Variants in PEX14 observed in about 807,000 individuals in gnomAD.
PEX14 encodes peroxisomal biogenesis factor 14, also known as peroxisomal membrane protein PEX14.
PEX14 carries 15 observed loss-of-function variants against 49.5 expected under a neutral mutation model. That is an observed-to-expected ratio of 0.30 (90% CI 0.20 to 0.47). PEX14 has a LOEUF of 0.47. PEX14 is among the 20% of genes least tolerant of loss of function. PEX14 has a pLI of 1.00. For synonymous variants in PEX14, 210 were observed against 212.7 expected (o/e 0.99, Z 0.11); for missense variants, 398 against 494.8 (o/e 0.80, Z 1.86).
chr1:10,562,373 T>C (rs1367633906), intron 3 of PEX14, among the ~76,000 whole-genome samples: 1 of 152,230 alleles, frequency 6.6e-6, no homozygotes, highest in Non-Finnish European at 1.5e-5. Flanking sequence ...AGAAAAAGAT[T>C]TTTTTCTAGC....
At chr1:10,609,730 C>T (rs527281829) in intron 4 of PEX14, among the ~76,000 whole-genome samples, 1 of 152,000 alleles carries the variant, frequency 6.6e-6, no homozygotes, top group Admixed American at 6.6e-5. Context: ...ACTAAACGTA[C>T]AAAAATTAGC....
intron 3 of PEX14, among the ~76,000 whole-genome samples, chr1:10,564,071 C>G (rs201749773): frequency 4.6e-5 from 7 of 151,742 alleles, no homozygotes; most frequent in Non-Finnish European, 1.0e-4. Flanking sequence ...AGTAGTTTTC[C>G]TATGTGATGT....
intron 2 of PEX14, among the ~76,000 whole-genome samples, chr1:10,517,376 C>G (rs1388074020): frequency 1.3e-5 from 2 of 152,098 alleles, no homozygotes; most frequent in African/African-American, 4.8e-5. Flanking sequence ...AGGCACTGAT[C>G]GGGTCGGTTC....
At chr1:10,546,878 CA>C (rs1639192721) in intron 3 of PEX14, among the ~76,000 whole-genome samples, 1 of 151,610 alleles carries the variant, frequency 6.6e-6, no homozygotes. Context: ...CAAAAAAAAA[CA>C]AAAAACGAAC....
intron 4 of PEX14, among the ~76,000 whole-genome samples, chr1:10,607,398 A>G (rs202038564): frequency 1.3e-5 from 2 of 152,154 alleles, no homozygotes; most frequent in African/African-American, 4.8e-5. Context: ...CTCTTGGGTG[A>G]GCGCCTAGAA....
rs151283829 is a variant in PEX14 at position 10,485,842 on chromosome 1, G to A, written c.37-9432G>A. Among the ~76,000 whole-genome samples, 504 of 148,136 alleles carry A rather than the reference G, an allele frequency of 3.4e-3. 20 individuals carry two copies. Among genetic ancestry groups the A allele is most frequent in the African/African-American group, 0.012 (483 of 39,642 alleles). ...GTGATCTTGGCGCACTGCAACCCCC[G>A]CCTCCTGGGTTCAAGCGATTCTCCT... On this transcript the variant is annotated intron_variant, in intron 1 of 8. Transcript: ENST00000356607.
At chr1:10,518,963 C>T (rs530598638) in intron 2 of PEX14, among the ~76,000 whole-genome samples, 4 of 152,116 alleles carry the variant, frequency 2.6e-5, no homozygotes, top group African/African-American at 4.8e-5. Flanking sequence ...TGTTTCTTGC[C>T]GTGTGCTTGT....
intron 4 of PEX14, among the ~76,000 whole-genome samples, chr1:10,608,459 C>T (rs1006256207): frequency 9.2e-5 from 14 of 152,042 alleles, no homozygotes; most frequent in Admixed American, 6.5e-4. Context: ...CTCAGGAGTT[C>T]GAGACCAGCC....
At chr1:10,536,187 C>G in intron 2 of PEX14, 26 bp from the exon 3 acceptor site, 1 of 1,409,742 alleles carries the variant, frequency 7.1e-7, no homozygotes, top group Non-Finnish European at 1.0e-6. Context: ...GTGAAGTTTA[C>G]TCCTCTATTT....
chr1:10,507,838 C>T (rs1641813559), intron 2 of PEX14, among the ~76,000 whole-genome samples: 1 of 152,204 alleles, frequency 6.6e-6, no homozygotes, highest in Admixed American at 6.5e-5. Flanking sequence ...TCAACATCCA[C>T]AAATTCCTCA....
chr1:10,498,113 C>G (rs1641602768), intron 2 of PEX14, among the ~76,000 whole-genome samples: 1 of 152,158 alleles, frequency 6.6e-6, no homozygotes, highest in Admixed American at 6.5e-5. Context: ...GACCCCATCT[C>G]TATTATAAAT....
chr1:10,500,720 G>A (rs190628425), intron 2 of PEX14, among the ~76,000 whole-genome samples: 100 of 152,176 alleles, frequency 6.6e-4, no homozygotes, highest in African/African-American at 2.2e-3. Context: ...GACTATAGGC[G>A]TGCACCACCA....
intron 3 of PEX14, among the ~76,000 whole-genome samples, chr1:10,572,584 G>A (rs940693519): frequency 2.6e-5 from 4 of 152,158 alleles, no homozygotes; most frequent in Admixed American, 6.5e-5. Flanking sequence ...ACCCAGGCTG[G>A]AGTGCGGTGG....
rs769581556 is a variant in PEX14 at position 10,629,972 on chromosome 1, G to T, written c.1119G>T (p.Glu373Asp). ...GGCGGCCCGAGGGCGCCAGCAACGA[G>T]AGTGAGCGGGACTAGGGCTGCGCCT... ...KLRRPEGASN[E>D]SERD The change falls in exon 9 of 9, where the codon GAG (glutamate) becomes GAT (aspartate). Residue 373 changes from glutamate to aspartate, a missense_variant. Physicochemically the swap from Glu to Asp is conservative, Grantham distance 45 (BLOSUM62 2). Coordinates refer to ENST00000356607, the MANE Select transcript of PEX14 (RefSeq NM_004565.3). The surrounding 1 kb of genome is among the most constrained non-coding windows in gnomAD (Gnocchi z 8.5). 6.2e-7 allele frequency: 1 copy of T among 1,610,258 alleles called. No individual in the cohort carries two copies.
In PEX14 at chr1:10,495,408, G is replaced by A. The variant is rs1641542116; in HGVS notation, c.84+87G>A. On this transcript the variant is annotated intron_variant, in intron 2 of 8. Coordinates refer to ENST00000356607, the MANE Select transcript of PEX14 (RefSeq NM_004565.3). This position sits in a 1 kb window ranked among gnomAD's most constrained non-coding sequence, Gnocchi z 4.2. ...AAACCTTCTGTTCCTATGGTTCTGC[G>A]TCAGTAGTGTCCCTTTAAAAGTAGC... 8.5e-6 allele frequency: 9 copies of A among 1,055,330 alleles called. No individual in the cohort carries two copies. The highest frequency in any genetic ancestry group is 1.2e-5 in the Non-Finnish European group (8 of 691,518). The allele number at this position is 1,055,330 out of a possible 1,614,324, so 65.4% of individuals were successfully genotyped here.
At chr1:10,551,495 G>C (rs763010990) in intron 3 of PEX14, among the ~76,000 whole-genome samples, 1 of 152,102 alleles carries the variant, frequency 6.6e-6, no homozygotes, top group Non-Finnish European at 1.5e-5. Flanking sequence ...GCACGGATTC[G>C]GCTTGGAGAT....
chr1:10,513,431 C>T (rs767127565), intron 2 of PEX14, among the ~76,000 whole-genome samples: 16 of 152,176 alleles, frequency 1.1e-4, no homozygotes, highest in African/African-American at 3.9e-4. Flanking sequence ...CTGTTCCAGC[C>T]GACAGCTTGA....
intron 8 of PEX14, 61 bp downstream of exon 8, chr1:10,627,424 T>C (rs139163866): frequency 8.3e-7 from 1 of 1,199,724 alleles, no homozygotes; most frequent in Non-Finnish European, 1.2e-6. Flanking sequence ...CTGGGAGCTC[T>C]GGGGCATGGG....
chr1:10,551,856 C>T (rs1639342583), intron 3 of PEX14, among the ~76,000 whole-genome samples: 1 of 151,982 alleles, frequency 6.6e-6, no homozygotes, highest in Non-Finnish European at 1.5e-5. Context: ...TTTACAGTCC[C>T]AGCACTTAGG....
Sources: allele counts gnomAD v4.1 joint callset (sites outside exome capture counted in the v4.1 genomes callset), GRCh38; gene constraint gnomAD v4.1.1; non-coding constraint Gnocchi (gnomAD v3.1); transcripts MANE v1.5; gene names NCBI Gene and HGNC (gene_info 2026-07-23, HGNC 2026-07-21).